Variants in RANBP17 observed in about 807,000 individuals in gnomAD.
RANBP17 encodes ran-binding protein 17.
In RANBP17, 158 loss-of-function variants were observed where a neutral mutation model predicts 141.2. The observed-to-expected ratio is 1.12, with a 90% CI of 0.98 to 1.28. RANBP17 has a LOEUF of 1.28. Among genes scored for constraint, RANBP17 ranks in the 50% most tolerant of loss-of-function variants. The probability of loss-of-function intolerance (pLI) is 0.00; values close to 1 mark genes in which losing one functional copy is unlikely to be tolerated. For synonymous variants in RANBP17, 430 were observed against 450.0 expected, an observed-to-expected ratio of 0.96 and a Z score of 0.56; for missense variants, 1,438 against 1,290.7, an observed-to-expected ratio of 1.11 and a Z score of -1.75.
chr5:170,934,624 A>G lies in RANBP17; in HGVS notation c.1468+10074A>G, dbSNP rs191186803. On this transcript the variant is annotated intron_variant, in intron 12 of 27. Coordinates refer to ENST00000523189, the MANE Select transcript of RANBP17 (RefSeq NM_022897.5). ...AAATTCTTTTCTTGAAGAATGTTGA[A>G]TATTGGCCCCCACTCTCTTCTGGCT... 3.3e-5 allele frequency among the ~76,000 whole-genome samples: 5 copies of G among 152,308 alleles called. No homozygotes were observed. In the East Asian group the frequency reaches 9.6e-4, roughly 29 times the overall value.
At chr5:171,090,450 G>A (rs1476009094) in intron 14 of RANBP17, among the ~76,000 whole-genome samples, 2 of 152,146 alleles carry the variant, frequency 1.3e-5, no homozygotes, top group Non-Finnish European at 2.9e-5. Context: ...GTTTTAAAAG[G>A]GAAACAGAGC....
At chr5:171,151,395 T>C (rs1758465146) in intron 14 of RANBP17, among the ~76,000 whole-genome samples, 1 of 152,166 alleles carries the variant, frequency 6.6e-6, no homozygotes, top group Admixed American at 6.5e-5. Flanking sequence ...ATTTCTGAAA[T>C]ATTTAAATTC....
chr5:171,293,767 G>T, intron 25 of RANBP17, 116 bp from the exon 26 acceptor site: 1 of 779,932 alleles, frequency 1.3e-6, no homozygotes. Flanking sequence ...TGTCCAGAAA[G>T]AGCTTTCATA....
intron 13 of RANBP17, among the ~76,000 whole-genome samples, chr5:170,967,569 T>C (rs924366740): frequency 6.6e-6 from 1 of 151,228 alleles, no homozygotes; most frequent in African/African-American, 2.4e-5. Context: ...GCTTTTTCTG[T>C]AGGAAATTTA....
Position 170,903,267 on chromosome 5 carries a change from G to A in RANBP17, c.490-6394G>A, listed in dbSNP as rs542788442. Among the ~76,000 whole-genome samples, 9 of 152,310 alleles carry A rather than the reference G, an allele frequency of 5.9e-5. 1 individual carries two copies. In the South Asian group the frequency reaches 1.9e-3, roughly 32 times the overall value. On this transcript the variant is annotated intron_variant, in intron 5 of 27. Transcript: ENST00000523189. ...CTCCGCCCATTTTGAACTTCCAAGT[G>A]TCTTTGTTTACACTGTGAGGGCAAA...
rs4490604 is a variant in RANBP17 at position 170,874,485 on chromosome 5, G to A, written c.19-3612G>A. 8.2e-3 allele frequency among the ~76,000 whole-genome samples: 1,240 copies of A among 152,048 alleles called. 10 individuals carry two copies. The highest frequency in any genetic ancestry group is 0.014 in the Non-Finnish European group (940 of 67,964). On this transcript the variant is annotated intron_variant, in intron 1 of 27. Coordinates refer to ENST00000523189, the MANE Select transcript of RANBP17 (RefSeq NM_022897.5). ...GTCTAAGTCCCTTTGTAGGTCTCTC[G>A]GAACTCATTTTATGAATCTGGATGC...
chr5:171,227,566 C>T (rs566537407), intron 22 of RANBP17, among the ~76,000 whole-genome samples: 5 of 152,276 alleles, frequency 3.3e-5, no homozygotes, highest in South Asian at 2.1e-4. Context: ...GAAGCTGCAG[C>T]GAGTTATCAT....
chr5:171,195,088 A>G (rs889588247), intron 18 of RANBP17, among the ~76,000 whole-genome samples: 1 of 152,232 alleles, frequency 6.6e-6, no homozygotes, highest in African/African-American at 2.4e-5. Flanking sequence ...ATGACTGAGA[A>G]CTTACAATGT....
chr5:171,245,843 G>A (rs901038029), intron 24 of RANBP17, among the ~76,000 whole-genome samples: 1 of 149,110 alleles, frequency 6.7e-6, no homozygotes, highest in African/African-American at 2.5e-5. Context: ...CTTTTCAGTG[G>A]TTCTTTACCC....
intron 14 of RANBP17, among the ~76,000 whole-genome samples, chr5:171,137,094 A>G (rs1053598275): frequency 2.0e-5 from 3 of 152,208 alleles, no homozygotes; most frequent in African/African-American, 7.2e-5. Context: ...AAGAGAGAAT[A>G]TCTTATATTG....
chr5:171,101,172 G>A (rs1378572665), intron 14 of RANBP17, among the ~76,000 whole-genome samples: 5 of 151,748 alleles, frequency 3.3e-5, no homozygotes, highest in East Asian at 3.9e-4. Context: ...TTTCTGTCTC[G>A]ATCTGTCTAA....
chr5:171,242,870 C>A, intron 24 of RANBP17, 50 bp downstream of exon 24: 1 of 1,533,784 alleles, frequency 6.5e-7, no homozygotes, highest in Non-Finnish European at 9.0e-7. Flanking sequence ...TGATTATGGG[C>A]TTTTAATGTA....
At chr5:170,886,365 T>C (rs1292860335) in intron 3 of RANBP17, among the ~76,000 whole-genome samples, 1 of 152,196 alleles carries the variant, frequency 6.6e-6, no homozygotes. Flanking sequence ...GGCCTTGTTA[T>C]ACAGCCAGAA....
chr5:170,951,313 G>A (rs1230417274), intron 12 of RANBP17, among the ~76,000 whole-genome samples: 18 of 152,050 alleles, frequency 1.2e-4, no homozygotes, highest in Non-Finnish European at 2.4e-4. Context: ...TTCTTTGCAT[G>A]TAACAAAGTA....
chr5:170,866,028 T>C (rs1238697800), intron 1 of RANBP17, among the ~76,000 whole-genome samples: 1 of 152,138 alleles, frequency 6.6e-6, no homozygotes, highest in Non-Finnish European at 1.5e-5. Flanking sequence ...TTACTGGGGC[T>C]TCAGTTCTTA....
intron 27 of RANBP17, among the ~76,000 whole-genome samples, chr5:171,296,850 T>G (rs1193563743): frequency 3.9e-5 from 6 of 152,106 alleles, no homozygotes; most frequent in Middle Eastern, 3.2e-3. Flanking sequence ...GAGGCAGAAA[T>G]TGCAGTGAGC....
chr5:170,950,978 A>G (rs1342542194), intron 12 of RANBP17, among the ~76,000 whole-genome samples: 1 of 152,128 alleles, frequency 6.6e-6, no homozygotes, highest in East Asian at 1.9e-4. Flanking sequence ...GGAAAGACAA[A>G]TACCATGTGT....
intron 14 of RANBP17, among the ~76,000 whole-genome samples, chr5:171,113,265 G>C (rs1353374211): frequency 6.6e-6 from 1 of 152,092 alleles, no homozygotes; most frequent in Non-Finnish European, 1.5e-5. Context: ...TTAGATTTGA[G>C]CATTCTTGGC....
At chr5:171,034,621 C>T (rs1015286071) in intron 14 of RANBP17, among the ~76,000 whole-genome samples, 3 of 152,104 alleles carry the variant, frequency 2.0e-5, no homozygotes, top group African/African-American at 7.2e-5. Flanking sequence ...TTTTGTGACT[C>T]GGTTCATTTC....
Sources: gnomAD v4.1 joint callset for allele counts (sites outside exome capture counted in the v4.1 genomes callset) on GRCh38, gnomAD v4.1.1 for gene constraint, MANE v1.5 for transcripts, NCBI Gene and HGNC (gene_info 2026-07-23, HGNC 2026-07-21) for gene names.